The following DENND2C variants were observed in gnomAD, a reference collection of about 807,000 sequenced individuals.
DENND2C encodes the protein DENN domain containing 2C.
A neutral mutation model predicts 112.4 loss-of-function variants in DENND2C; 72 were observed. The ratio of observed to expected loss-of-function variants is 0.64; its 90% CI spans 0.53 to 0.78. The LOEUF is 0.78. DENND2C is among the 30% of genes least tolerant of loss of function. DENND2C has a pLI of 0.00. For synonymous variants in DENND2C, 329 were observed against 381.6 expected (o/e 0.86, Z 1.61); for missense variants, 992 against 1,113.8 (o/e 0.89, Z 1.56).
chr1:114,595,412 G>A (rs367740960), intron 17 of DENND2C: 37 of 154,812 alleles, frequency 2.4e-4, no homozygotes, highest in Admixed American at 7.8e-4. Flanking sequence ...CCCAGGAGGC[G>A]GCGGAGCTTG....
intron 8 of DENND2C, 64 bp downstream of exon 8, chr1:114,618,322 T>C (rs1656056996): frequency 8.2e-7 from 1 of 1,221,824 alleles, no homozygotes; most frequent in African/African-American, 1.5e-5. Flanking sequence ...CATTAAGTTA[T>C]ATGGTGATTC....
chr1:114,594,551 G>A lies in DENND2C; in HGVS notation c.2353C>T (p.Pro785Ser). 1 of 1,613,590 alleles carries A rather than the reference G, an allele frequency of 6.2e-7. No homozygotes were observed. The highest frequency in any genetic ancestry group is 8.5e-7 in the Non-Finnish European group (1 of 1,179,920). Residue 785 changes from proline to serine, a missense_variant, in exon 18 of 21, where the codon CCA (proline) becomes TCA (serine). Around this residue, in one of 3 missense-constraint regions of DENND2C, gnomAD observed 516 missense variants for 623.6 expected, o/e 0.83. Coordinates refer to ENST00000393274, the MANE Select transcript of DENND2C (RefSeq NM_001256404.2). ...EVSDEDEILP[P>S]KLQAALMQIL... ...TGCATCAGGGCAGCTTGAAGTTTTG[G>A]TGGTAGAATTTCATCCTCATCAGAT...
At chr1:114,637,566 G>A (rs937421335) in intron 3 of DENND2C, among the ~76,000 whole-genome samples, 1 of 151,738 alleles carries the variant, frequency 6.6e-6, no homozygotes, top group Non-Finnish European at 1.5e-5. Context: ...GCCCAGGTTG[G>A]AGTGCAGTGG....
intron 2 of DENND2C, among the ~76,000 whole-genome samples, chr1:114,647,701 G>A (rs1384260556): frequency 6.6e-6 from 1 of 151,980 alleles, no homozygotes; most frequent in Non-Finnish European, 1.5e-5. Flanking sequence ...GATTACAGAT[G>A]TGAGCCACTA....
In DENND2C at chr1:114,623,387, G is replaced by A; in HGVS notation, c.943+120C>T. 2.0e-6 allele frequency: 2 copies of A among 994,664 alleles called. 1 individual carries two copies. Among genetic ancestry groups the A allele is most frequent in the East Asian group, 5.4e-5 (2 of 37,364 alleles). 61.6% of individuals were successfully genotyped at this position (994,664 alleles called of 1,614,324 possible). A position where few individuals can be genotyped will look rare whatever the true frequency, so the allele number is the denominator to read the frequency against. On this transcript the variant is annotated intron_variant, in intron 5 of 20. Coordinates refer to ENST00000393274, the MANE Select transcript of DENND2C (RefSeq NM_001256404.2). ...TAATTTATACACCAAACGTTTCCAT[G>A]CTAAAGAGAAAAACCTAGAGCAATA...
At chr1:114,654,350 T>G (rs193270225) in intron 2 of DENND2C, among the ~76,000 whole-genome samples, 155 bp downstream of exon 2, 3 of 151,908 alleles carry the variant, frequency 2.0e-5, no homozygotes, top group African/African-American at 7.3e-5. Context: ...GGGAATGGCA[T>G]GAACCCGGGA....
At position 114,594,461 on chromosome 1, in the gene DENND2C, C is replaced by CT. The variant is rs1557938723; in HGVS notation, c.2431+11dup. On this transcript the variant is annotated intron_variant, in intron 18 of 20. Coordinates refer to ENST00000393274, the MANE Select transcript of DENND2C (RefSeq NM_001256404.2). The stretch of plus-strand genomic sequence containing the variant: ...CCCTTAACCTTAAGTCCTTGGCTCA[C>CT]TTGTCTCATACCTTGTGAAAAATTC... The CT allele has an allele frequency of 1.2e-6, 2 of 1,609,284 alleles. No individual in the cohort carries two copies. The highest frequency in any genetic ancestry group is 1.7e-6 in the Non-Finnish European group (2 of 1,175,734).
rs183457241 is a variant in DENND2C at position 114,668,053 on chromosome 1, G to A, written c.-574+1930C>T. Among the ~76,000 whole-genome samples the A allele has an allele frequency of 3.7e-3, 570 of 152,248 alleles. 4 individuals are homozygous for A. The highest frequency in any genetic ancestry group is 0.013 in the African/African-American group (526 of 41,534). ...AGTACTTATTTTAGCCCACTTGGTAGAATGGAATCTCCTAGATGACAGGAA... is the reference window on the plus strand; with the variant it reads ...AGTACTTATTTTAGCCCACTTGGTAAAATGGAATCTCCTAGATGACAGGAA... On this transcript the variant is annotated intron_variant, in intron 1 of 20. Coordinates refer to ENST00000393274, the MANE Select transcript of DENND2C (RefSeq NM_001256404.2).
chr1:114,615,523 T>C (rs1267997446), intron 8 of DENND2C, among the ~76,000 whole-genome samples: 1 of 152,222 alleles, frequency 6.6e-6, no homozygotes, highest in African/African-American at 2.4e-5. Flanking sequence ...AGATAAAATA[T>C]GTAAAGAAAC....
chr1:114,594,205 G>A (rs1363448899), intron 18 of DENND2C, among the ~76,000 whole-genome samples: 1 of 152,184 alleles, frequency 6.6e-6, no homozygotes, highest in South Asian at 2.1e-4. Context: ...AAGATGATGT[G>A]AGCATGGACC....
chr1:114,641,955 A>G (rs189329634), intron 3 of DENND2C, among the ~76,000 whole-genome samples: 2 of 152,064 alleles, frequency 1.3e-5, no homozygotes, highest in Non-Finnish European at 2.9e-5. Flanking sequence ...ATATATGTAT[A>G]TATATATATT....
intron 2 of DENND2C, 146 bp from the exon 3 acceptor site, chr1:114,645,705 T>C (rs1387888556): frequency 6.6e-6 from 1 of 152,198 alleles, no homozygotes; most frequent in Non-Finnish European, 1.5e-5. Flanking sequence ...TTGTTGAAAT[T>C]TGACTAGTAA....
Position 114,625,308 on chromosome 1 carries a change from G to T in DENND2C, c.677C>A (p.Thr226Lys). Reference sequence around the variant, plus strand: ...GTCACAGTTTCTTTCTTTATACGGCGTAACACCAGATTCGGATAAATATCT... The same window carrying T: ...GTCACAGTTTCTTTCTTTATACGGCTTAACACCAGATTCGGATAAATATCT... ...TFRYLSESGV[T>K]PYKERNCDKK... is the part of the protein sequence containing the mutation. Residue 226 changes from threonine (T) to lysine (K), a missense_variant, in exon 4 of 21, where the codon ACG becomes AAG. Coordinates refer to ENST00000393274, the MANE Select transcript of DENND2C (RefSeq NM_001256404.2). The T allele has an allele frequency of 6.2e-7, 1 of 1,614,086 alleles. No individual in the cohort carries two copies. Among genetic ancestry groups the T allele is most frequent in the South Asian group, 1.1e-5 (1 of 91,084 alleles).
intron 3 of DENND2C, among the ~76,000 whole-genome samples, chr1:114,635,322 G>A (rs1044116267): frequency 4.0e-5 from 6 of 151,774 alleles, no homozygotes; most frequent in African/African-American, 1.5e-4. Flanking sequence ...AGAAACTGGA[G>A]GAAAATAAAA....
intron 3 of DENND2C, among the ~76,000 whole-genome samples, chr1:114,630,433 T>C (rs1570789365): frequency 6.6e-6 from 1 of 151,644 alleles, no homozygotes; most frequent in South Asian, 2.1e-4. Flanking sequence ...ACTGGAAAAA[T>C]ATATAAAATA....
At chr1:114,591,429 C>A (rs942670553) in intron 18 of DENND2C, among the ~76,000 whole-genome samples, 1 of 152,052 alleles carries the variant, frequency 6.6e-6, no homozygotes, top group Non-Finnish European at 1.5e-5. Flanking sequence ...TTGTTCCTAT[C>A]TTTTCCTCAT....
intron 15 of DENND2C, 119 bp from the exon 16 acceptor site, chr1:114,599,570 GCAAA>G (rs1557940435): frequency 1.3e-6 from 1 of 761,644 alleles, no homozygotes; most frequent in Admixed American, 3.7e-5. Context: ...TAAAAACTAT[GCAAA>G]CAGTCATTAA....
chr1:114,638,790 A>T (rs1401736007), intron 3 of DENND2C, among the ~76,000 whole-genome samples: 2 of 150,176 alleles, frequency 1.3e-5, no homozygotes, highest in African/African-American at 2.4e-5. Context: ...GAGAAAAAAG[A>T]AAAAAAAAGA....
intron 2 of DENND2C, among the ~76,000 whole-genome samples, chr1:114,652,904 A>G (rs1657210519): frequency 6.6e-6 from 1 of 152,054 alleles, no homozygotes; most frequent in Admixed American, 6.6e-5. Context: ...CGTAAATGCT[A>G]TGTAAATTAC....
Sources: gnomAD v4.1 joint callset for allele counts (sites outside exome capture counted in the v4.1 genomes callset) on GRCh38, gnomAD v4.1.1 for gene constraint, gnomAD v4.1.1 regional missense constraint, MANE v1.5 for transcripts, NCBI Gene and HGNC (gene_info 2026-07-23, HGNC 2026-07-21) for gene names.